The following DOCK2 variants were observed in gnomAD, a reference collection of about 807,000 sequenced individuals.
DOCK2 encodes dedicator of cytokinesis protein 2.
Under a neutral mutation model 248.9 loss-of-function variants are expected in DOCK2, and 87 were observed. That is an observed-to-expected ratio of 0.35 (90% CI 0.29 to 0.42). The LOEUF (loss-of-function observed/expected upper bound fraction) is 0.42, where lower values mean the gene tolerates loss of function less well. Ranked by LOEUF, DOCK2 falls within the 10% of genes least tolerant of loss-of-function variation. The pLI, the probability that DOCK2 is intolerant of heterozygous loss-of-function variation, is 1.00. For missense variants in DOCK2, 1,747 were observed against 2,300.2 expected, an observed-to-expected ratio of 0.76 and a Z score of 4.92; for synonymous variants, 805 against 821.6, an observed-to-expected ratio of 0.98 and a Z score of 0.35.
chr5:169,666,427 CTTGTTA>C (rs888041918), intron 2 of DOCK2, among the ~76,000 whole-genome samples: 15 of 152,266 alleles, frequency 9.9e-5, no homozygotes, highest in Non-Finnish European at 1.2e-4. Flanking sequence ...CAAAAAAGCC[CTTGTTA>C]TTGTTGAATT....
rs535408601 is a variant in DOCK2, at chr5:169,679,959, A to G, written c.471-1785A>G. Among the ~76,000 whole-genome samples, 9 of 152,286 alleles carry G rather than the reference A, an allele frequency of 5.9e-5. No individual in the cohort carries two copies. The South Asian group carries it at 1.9e-3, about 32-fold the overall frequency. Reference sequence around the variant, plus strand: ...AGTATGGTTGGCCTTCTCAGAATCCATCAGCCCCACCTCCTCCTACCTTCT... The same window carrying G: ...AGTATGGTTGGCCTTCTCAGAATCCGTCAGCCCCACCTCCTCCTACCTTCT... On this transcript the variant is annotated intron_variant, in intron 6 of 51. Coordinates refer to ENST00000520908, the MANE Select transcript of DOCK2 (RefSeq NM_004946.3).
intron 23 of DOCK2, among the ~76,000 whole-genome samples, chr5:169,755,389 A>G (rs1270591871): frequency 1.3e-5 from 2 of 152,202 alleles, no homozygotes; most frequent in East Asian, 3.8e-4. Context: ...TAGACTATGG[A>G]ATGAAAGTAA....
At chr5:169,690,431 G>A (rs934456360) in intron 9 of DOCK2, among the ~76,000 whole-genome samples, 2 of 152,042 alleles carry the variant, frequency 1.3e-5, no homozygotes, top group Non-Finnish European at 2.9e-5. Context: ...TTTGGTTACA[G>A]CCCATTAATT....
At chr5:169,796,313 A>G (rs1393742888) in intron 25 of DOCK2, among the ~76,000 whole-genome samples, 1 of 152,104 alleles carries the variant, frequency 6.6e-6, no homozygotes, top group Non-Finnish European at 1.5e-5. Flanking sequence ...TATAGTGTCC[A>G]TCTTGTCTTA....
intron 26 of DOCK2, among the ~76,000 whole-genome samples, chr5:169,824,551 G>A (rs1281291427): frequency 6.6e-6 from 1 of 152,180 alleles, no homozygotes; most frequent in Non-Finnish European, 1.5e-5. Flanking sequence ...AAATGGTGCT[G>A]GGAAAACTGG....
At chr5:169,662,867 C>A (rs529435936) in intron 2 of DOCK2, among the ~76,000 whole-genome samples, 2 of 152,142 alleles carry the variant, frequency 1.3e-5, no homozygotes, top group Non-Finnish European at 2.9e-5. Context: ...TGGCCCTTCC[C>A]AAATCTCATG....
chr5:169,720,243 G>T (rs1026342290), intron 22 of DOCK2, among the ~76,000 whole-genome samples: 1 of 152,240 alleles, frequency 6.6e-6, no homozygotes. Context: ...GTGAATCTAA[G>T]AGTGATTTTC....
chr5:169,962,473 G>A (rs1056648167), intron 27 of DOCK2, among the ~76,000 whole-genome samples: 2 of 152,168 alleles, frequency 1.3e-5, no homozygotes, highest in African/African-American at 4.8e-5. Flanking sequence ...AAGGTGTGAA[G>A]ATGAAGAATT....
chr5:169,866,848 G>C (rs982810556), intron 27 of DOCK2, among the ~76,000 whole-genome samples: 5 of 152,186 alleles, frequency 3.3e-5, no homozygotes, highest in Non-Finnish European at 7.3e-5. Flanking sequence ...CCAAATGTGT[G>C]GGAGTTTCTC....
intron 6 of DOCK2, among the ~76,000 whole-genome samples, chr5:169,678,867 G>A (rs1759491551): frequency 6.6e-6 from 1 of 152,104 alleles, no homozygotes; most frequent in African/African-American, 2.4e-5. Context: ...GAGTCAGGGT[G>A]GGGATGACAA....
chr5:169,845,139 A>G (rs536316407), intron 27 of DOCK2, among the ~76,000 whole-genome samples: 12 of 147,978 alleles, frequency 8.1e-5, no homozygotes, highest in African/African-American at 2.3e-4. Flanking sequence ...TCGGGATCTC[A>G]GTTTATGGGA....
At chr5:169,925,211 A>C (rs948382032) in intron 27 of DOCK2, among the ~76,000 whole-genome samples, 3 of 152,220 alleles carry the variant, frequency 2.0e-5, no homozygotes, top group Non-Finnish European at 4.4e-5. Context: ...TCAGTCAGGC[A>C]GCCCTAGCTT....
chr5:170,002,781 C>A (rs1023545317), intron 30 of DOCK2, among the ~76,000 whole-genome samples: 1 of 152,054 alleles, frequency 6.6e-6, no homozygotes, highest in Non-Finnish European at 1.5e-5. Context: ...CCTATAATTT[C>A]AAAATATTAA....
intron 25 of DOCK2, among the ~76,000 whole-genome samples, chr5:169,798,147 T>C (rs1213387859): frequency 1.3e-5 from 2 of 152,224 alleles, no homozygotes; most frequent in Non-Finnish European, 2.9e-5. Context: ...ACAGCCTCAG[T>C]ACTCTGTGAG....
chr5:169,732,905 C>A (rs1762857869), intron 22 of DOCK2, among the ~76,000 whole-genome samples: 1 of 152,108 alleles, frequency 6.6e-6, no homozygotes, highest in Non-Finnish European at 1.5e-5. Flanking sequence ...AATCTTAATT[C>A]TTTTTCTCCC....
At chr5:170,007,659 T>C (rs147537294) in intron 30 of DOCK2, among the ~76,000 whole-genome samples, 1 of 152,314 alleles carries the variant, frequency 6.6e-6, no homozygotes, top group East Asian at 1.9e-4. Context: ...TCAGTGTGGC[T>C]AATCTTTTGA....
intron 23 of DOCK2, among the ~76,000 whole-genome samples, chr5:169,750,283 A>G (rs570782512): frequency 7.2e-5 from 11 of 152,334 alleles, no homozygotes; most frequent in Non-Finnish European, 1.5e-4. Flanking sequence ...ACAAAGGGAG[A>G]GAGACAGTAA....
intron 37 of DOCK2, among the ~76,000 whole-genome samples, chr5:170,041,511 G>A (rs2113844041): frequency 1.3e-5 from 2 of 152,312 alleles, no homozygotes; most frequent in South Asian, 4.1e-4. Flanking sequence ...TGGGAGAGCT[G>A]GGAGCATGTT....
intron 1 of DOCK2, among the ~76,000 whole-genome samples, chr5:169,647,789 T>A (rs1757554046): frequency 1.3e-5 from 2 of 152,164 alleles, no homozygotes; most frequent in South Asian, 4.2e-4. Context: ...GTGGGGCCTC[T>A]TTTTCCCTCT....
Sources: gnomAD v4.1 joint callset for allele counts (sites outside exome capture counted in the v4.1 genomes callset) on GRCh38, gnomAD v4.1.1 for gene constraint, MANE v1.5 for transcripts, NCBI Gene and HGNC (gene_info 2026-07-23, HGNC 2026-07-21) for gene names.